Variants in WWOX observed in about 807,000 individuals in gnomAD.
WWOX encodes WW domain containing oxidoreductase, also known as WW domain-containing oxidoreductase.
A neutral mutation model predicts 46.2 loss-of-function variants in WWOX; 69 were observed. That is an observed-to-expected ratio of 1.49 (90% CI 1.23 to 1.82). The LOEUF is 1.82. Among genes scored for constraint, WWOX ranks in the 40% most tolerant of loss-of-function variants. WWOX has a pLI of 0.00. For missense variants in WWOX, 919 were observed against 542.6 expected (o/e 1.69, Z -6.89); for synonymous variants, 359 against 202.6 (o/e 1.77, Z -6.56).
intron 8 of WWOX, among the ~76,000 whole-genome samples, chr16:78,707,955 T>C (rs1323418623): frequency 6.6e-6 from 1 of 152,242 alleles, no homozygotes; most frequent in East Asian, 1.9e-4. Flanking sequence ...TTGCCATTAC[T>C]TTTAATGGAA....
chr16:78,965,063 CAT>C (rs1470866219), intron 8 of WWOX, among the ~76,000 whole-genome samples: 2 of 152,194 alleles, frequency 1.3e-5, no homozygotes, highest in Non-Finnish European at 2.9e-5. Flanking sequence ...GTGGAGCCCT[CAT>C]GGAGAACCTC....
Position 78,691,357 on chromosome 16 carries a change from A to G in WWOX, c.1056+258605A>G, listed in dbSNP as rs931585901. 8.7e-6 allele frequency: 6 copies of G among 691,366 alleles called. No homozygotes were observed. In the African/African-American group the frequency reaches 1.1e-4, roughly 12 times the overall value. The allele number at this position is 691,366 out of a possible 1,614,324, so 42.8% of individuals were successfully genotyped here. On this transcript the variant is annotated intron_variant, in intron 8 of 8. Coordinates refer to ENST00000566780, the MANE Select transcript of WWOX (RefSeq NM_016373.4). ...TTTCAACATAGCTTTATCTTATGAC[A>G]AAGGTGACAGAAAGGAAATCTCCTA...
At chr16:78,816,031 T>A (rs2142726909) in intron 8 of WWOX, among the ~76,000 whole-genome samples, 1 of 152,332 alleles carries the variant, frequency 6.6e-6, no homozygotes, top group East Asian at 1.9e-4. Flanking sequence ...CAAGTGGTCA[T>A]AGCCAGAACA....
chr16:79,083,256 C>T (rs1401597211), intron 8 of WWOX, among the ~76,000 whole-genome samples: 1 of 152,110 alleles, frequency 6.6e-6, no homozygotes, highest in Non-Finnish European at 1.5e-5. Context: ...TTTGCTTTGC[C>T]TAATGAAATG....
chr16:78,771,199 G>A (rs1226592681), intron 8 of WWOX, among the ~76,000 whole-genome samples: 1 of 152,146 alleles, frequency 6.6e-6, no homozygotes, highest in African/African-American at 2.4e-5. Flanking sequence ...AGAACTGACC[G>A]GAACTGACTT....
chr16:78,108,972 A>G (rs2032324564), intron 2 of WWOX, among the ~76,000 whole-genome samples: 1 of 152,202 alleles, frequency 6.6e-6, no homozygotes, highest in Non-Finnish European at 1.5e-5. Context: ...TCGGTGACAG[A>G]GTGAGATGCT....
At chr16:78,952,774 C>G (rs983387307) in intron 8 of WWOX, among the ~76,000 whole-genome samples, 1 of 152,120 alleles carries the variant, frequency 6.6e-6, no homozygotes, top group African/African-American at 2.4e-5. Flanking sequence ...CAACGTATCC[C>G]TACTGCCCAG....
At chr16:78,881,829 G>C (rs7404742) in intron 8 of WWOX, among the ~76,000 whole-genome samples, 1 of 152,086 alleles carries the variant, frequency 6.6e-6, no homozygotes. Flanking sequence ...TCTCGAATTA[G>C]AAGAACTGAC....
At chr16:78,854,202 A>G (rs905768242) in intron 8 of WWOX, among the ~76,000 whole-genome samples, 3 of 152,150 alleles carry the variant, frequency 2.0e-5, no homozygotes, top group Admixed American at 2.0e-4. Context: ...TTTCTACTCT[A>G]ACTACTCAGG....
At chr16:78,860,869 C>G (rs1286632836) in intron 8 of WWOX, among the ~76,000 whole-genome samples, 2 of 152,166 alleles carry the variant, frequency 1.3e-5, no homozygotes, top group Admixed American at 1.3e-4. Context: ...TAGGGTCTCA[C>G]TCTGTCACCC....
At chr16:78,419,180 C>G (rs933060919) in intron 6 of WWOX, among the ~76,000 whole-genome samples, 3 of 152,118 alleles carry the variant, frequency 2.0e-5, no homozygotes, top group Non-Finnish European at 4.4e-5. Flanking sequence ...GTTCATGTAT[C>G]AGAAGATTTA....
At chr16:78,502,379 A>G (rs975710038) in intron 8 of WWOX, among the ~76,000 whole-genome samples, 4 of 152,062 alleles carry the variant, frequency 2.6e-5, no homozygotes, top group African/African-American at 9.7e-5. Flanking sequence ...TAACCAATCT[A>G]CTTGCTGTTT....
chr16:78,389,012 G>C (rs1399458976), intron 6 of WWOX, among the ~76,000 whole-genome samples: 6 of 151,750 alleles, frequency 4.0e-5, no homozygotes, highest in Admixed American at 2.0e-4. Flanking sequence ...GCTGGAGTAT[G>C]TCAGTGTCCC....
intron 8 of WWOX, among the ~76,000 whole-genome samples, chr16:78,505,272 A>C (rs1300379957): frequency 6.6e-6 from 1 of 152,190 alleles, no homozygotes; most frequent in African/African-American, 2.4e-5. Flanking sequence ...TTTTCTGTTT[A>C]TATTATTTCA....
chr16:78,475,397 T>G (rs1353319392), intron 8 of WWOX, among the ~76,000 whole-genome samples: 1 of 152,190 alleles, frequency 6.6e-6, no homozygotes, highest in Admixed American at 6.5e-5. Flanking sequence ...GGTAGATGGA[T>G]AAACTGGGAT....
chr16:79,137,627 G>GA (rs893467450), intron 8 of WWOX, among the ~76,000 whole-genome samples: 24 of 152,022 alleles, frequency 1.6e-4, no homozygotes, highest in Non-Finnish European at 2.1e-4. Flanking sequence ...TGCCATCATG[G>GA]AAAAAAAGTG....
At chr16:78,278,768 C>G in intron 5 of WWOX, 1 of 1,014,772 alleles carries the variant, frequency 9.9e-7, no homozygotes, top group Non-Finnish European at 1.5e-6. Context: ...ATCTGACAGA[C>G]ATGTACGATT....
chr16:79,159,885 C>T (rs1475239232), intron 8 of WWOX, among the ~76,000 whole-genome samples: 1 of 152,140 alleles, frequency 6.6e-6, no homozygotes, highest in Non-Finnish European at 1.5e-5. Flanking sequence ...GTGTATGCCG[C>T]ACCTCCTCTT....
At chr16:78,800,513 C>T (rs558396713) in intron 8 of WWOX, among the ~76,000 whole-genome samples, 38 of 152,018 alleles carry the variant, frequency 2.5e-4, no homozygotes, top group African/African-American at 7.0e-4. Flanking sequence ...GGTCTAGGAA[C>T]GGGGGTAAGC....
Sources: allele counts gnomAD v4.1 joint callset (sites outside exome capture counted in the v4.1 genomes callset), GRCh38; gene constraint gnomAD v4.1.1; transcripts MANE v1.5; gene names NCBI Gene and HGNC (gene_info 2026-07-23, HGNC 2026-07-21).